Variants in LRRC37B observed in about 807,000 individuals in gnomAD.
The protein encoded by LRRC37B is leucine rich repeat containing 37B, also known as leucine-rich repeat-containing protein 37B.
LRRC37B carries 28 observed loss-of-function variants against 98.3 expected under a neutral mutation model. The observed-to-expected ratio is 0.28, with a 90% CI of 0.21 to 0.39. The LOEUF is 0.39. Among genes scored for constraint, LRRC37B ranks in the 10% least tolerant of loss-of-function variants. LRRC37B has a pLI of 1.00. For synonymous variants in LRRC37B, 364 were observed against 442.7 expected, an observed-to-expected ratio of 0.82 and a Z score of 2.23; for missense variants, 938 against 1,182.7, an observed-to-expected ratio of 0.79 and a Z score of 3.03.
Position 32,034,575 on chromosome 17 carries a change from G to GTGTTTCCTA in LRRC37B, c.2058-334_2058-326dup, listed in dbSNP as rs538135789. Among the ~76,000 whole-genome samples the GTGTTTCCTA allele has an allele frequency of 1.9e-4, 29 of 150,912 alleles. No homozygotes were observed. In the East Asian group the frequency reaches 2.7e-3, roughly 14 times the overall value. On this transcript the variant is annotated intron_variant, in intron 5 of 11. Coordinates refer to ENST00000327564, the Ensembl canonical transcript of LRRC37B. ...TGTATTATGGAGGACACTAGAAATA[G>GTGTTTCCTA]TGTTTCCTACAGAGTCAGGGCTTCC...
At chr17:32,049,308 G>A in exon 10 of LRRC37B, 1 of 1,613,860 alleles carries the variant, frequency 6.2e-7, no homozygotes, top group Non-Finnish European at 8.5e-7. Flanking sequence ...GGCATTGAAT[G>A]TAGAATGGGA....
intron 5 of LRRC37B, 61 bp from the exon 9 acceptor site, chr17:32,034,849 C>CTT (rs1216293294): frequency 1.9e-5 from 25 of 1,298,266 alleles, no homozygotes; most frequent in Non-Finnish European, 2.6e-5. Flanking sequence ...TGAATATAGA[C>CTT]TTTTTATGCA....
intron 1 of LRRC37B, 108 bp from the exon 5 acceptor site, chr17:32,024,603 G>C (rs916873155): frequency 6.3e-7 from 1 of 1,587,460 alleles, no homozygotes; most frequent in Non-Finnish European, 8.6e-7. Flanking sequence ...GAAAGCAGGT[G>C]TTATTTTCTG....
At chr17:32,043,066 A>G (rs1911488962) in intron 7 of LRRC37B, among the ~76,000 whole-genome samples, 2 of 152,074 alleles carry the variant, frequency 1.3e-5, no homozygotes, top group Non-Finnish European at 2.9e-5. Context: ...AAGGGTCATT[A>G]TGTCTGCAAC....
At chr17:32,031,385 G>C (rs1339288744) in exon 5 of LRRC37B, 1 of 1,610,052 alleles carries the variant, frequency 6.2e-7, no homozygotes, top group African/African-American at 1.3e-5. Context: ...TAGAAATCTG[G>C]GCTGCAATTT....
At chr17:32,018,462 G>A (rs1420980173), upstream of LRRC37B, among the ~76,000 whole-genome samples, 1 of 152,180 alleles carries the variant, frequency 6.6e-6, no homozygotes, top group Non-Finnish European at 1.5e-5. Flanking sequence ...TGCTTTTTGA[G>A]TGCAGGGTAT....
intron 1 of LRRC37B, among the ~76,000 whole-genome samples, chr17:32,015,133 A>G (rs913115930): frequency 3.9e-5 from 6 of 152,184 alleles, no homozygotes; most frequent in Admixed American, 3.9e-4. Context: ...GTCTCAAAAA[A>G]AAGAAAGCAC....
At chr17:32,019,278 A>G (rs1339408308), upstream of LRRC37B, among the ~76,000 whole-genome samples, 1 of 152,186 alleles carries the variant, frequency 6.6e-6, no homozygotes, top group Non-Finnish European at 1.5e-5. Context: ...CCATGTTTAT[A>G]TACACAAATA....
At chr17:32,041,598 T>C (rs1238002880) in intron 7 of LRRC37B, 3 of 470,402 alleles carry the variant, frequency 6.4e-6, no homozygotes, top group East Asian at 6.3e-5. Context: ...CTGCCTTCCA[T>C]GGGCTCCTGC....
intron 9 of LRRC37B, 171 bp from the exon 13 acceptor site, chr17:32,048,931 T>G: frequency 7.7e-7 from 1 of 1,305,824 alleles, no homozygotes; most frequent in Non-Finnish European, 1.1e-6. Flanking sequence ...CAAAGACACA[T>G]CTCTGAAAAC....
At chr17:32,009,228 G>A (rs1157055491) in intron 1 of LRRC37B, among the ~76,000 whole-genome samples, 1 of 151,364 alleles carries the variant, frequency 6.6e-6, no homozygotes, top group East Asian at 1.9e-4. Context: ...CTTTTTATTT[G>A]CCATCTGTAT....
chr17:32,022,451 G>T, exon 1 of LRRC37B: 1 of 1,612,862 alleles, frequency 6.2e-7, no homozygotes, highest in Non-Finnish European at 8.5e-7. Context: ...AGGTTAAACC[G>T]TCTCCAACCA....
Position 32,021,231 on chromosome 17 carries a change from G to A in LRRC37B, c.166G>A (p.Val56Met), listed in dbSNP as rs913293639. ...ACTAGTCAAGGAGGCTCAGCCTCTGGTGTGGGTCAAGGACCCGCTCCAGCT... is the reference window on the plus strand; with the variant it reads ...ACTAGTCAAGGAGGCTCAGCCTCTGATGTGGGTCAAGGACCCGCTCCAGCT... Residue 56 changes from valine (V) to methionine (M), a missense_variant, in exon 1 of 12, where the codon GTG (valine) becomes ATG (methionine). Val to Met is a conservative substitution (Grantham distance 21). Transcript: ENST00000327564. The A allele has an allele frequency of 2.5e-6, 4 of 1,612,632 alleles. No homozygotes were observed. Among genetic ancestry groups the A allele is most frequent in the Non-Finnish European group, 2.5e-6 (3 of 1,179,986 alleles).
At chr17:32,007,556 C>A (rs1910435723), upstream of LRRC37B, among the ~76,000 whole-genome samples, 1 of 151,730 alleles carries the variant, frequency 6.6e-6, no homozygotes, top group Non-Finnish European at 1.5e-5. This position sits in a 1 kb window ranked among gnomAD's most constrained non-coding sequence, Gnocchi z 4.1. Context: ...GCCGCCACTG[C>A]GCCCGGCCCT....
At chr17:32,041,068 G>C (rs780471556) in intron 7 of LRRC37B, 3 of 765,470 alleles carry the variant, frequency 3.9e-6, no homozygotes, top group Admixed American at 3.5e-5. Context: ...AGTCAACTCC[G>C]GGCCCTGGCG....
intron 7 of LRRC37B, among the ~76,000 whole-genome samples, chr17:32,039,252 T>C (rs1911335182): frequency 6.6e-6 from 1 of 151,552 alleles, no homozygotes; most frequent in Non-Finnish European, 1.5e-5. Context: ...GCTGCAATTA[T>C]AGGCATGAGG....
chr17:32,027,059 C>T (rs1207431878), intron 2 of LRRC37B, among the ~76,000 whole-genome samples: 1 of 151,694 alleles, frequency 6.6e-6, no homozygotes, highest in Non-Finnish European at 1.5e-5. Context: ...TAAATATAAA[C>T]AACATTTATG....
intron 5 of LRRC37B, among the ~76,000 whole-genome samples, chr17:32,034,347 C>T (rs1191206000): frequency 6.6e-6 from 1 of 151,680 alleles, no homozygotes; most frequent in African/African-American, 2.4e-5. Context: ...ACTAAAAATA[C>T]AAAAATTAGC....
chr17:32,035,015 T>A (rs1911209425), intron 6 of LRRC37B, 34 bp downstream of exon 9: 1 of 1,332,808 alleles, frequency 7.5e-7, no homozygotes, highest in Non-Finnish European at 1.0e-6. Context: ...AGTCATGAGA[T>A]GATTTATGCT....
Sources: allele counts gnomAD v4.1 joint callset (sites outside exome capture counted in the v4.1 genomes callset), GRCh38; gene constraint gnomAD v4.1.1; non-coding constraint Gnocchi (gnomAD v3.1); transcripts MANE v1.5; gene names NCBI Gene and HGNC (gene_info 2026-07-23, HGNC 2026-07-21).